ZNF79: variants seen among roughly 807,000 people sequenced by gnomAD.
The protein encoded by ZNF79 is zinc finger protein 79, also known as ZNFpT7.
ZNF79 carries 13 observed loss-of-function variants against 14.9 expected under a neutral mutation model. The ratio of observed to expected loss-of-function variants is 0.87; its 90% CI spans 0.57 to 1.38. ZNF79 has a LOEUF of 1.38. Among genes scored for constraint, ZNF79 ranks in the 40% most tolerant of loss-of-function variants. ZNF79 has a pLI of 0.00. For missense variants in ZNF79, 631 were observed against 630.6 expected (o/e 1.00, Z -0.01); for synonymous variants, 223 against 235.1 (o/e 0.95, Z 0.47).
chr9:127,436,426 A>G (rs1393986713), intron 4 of ZNF79, among the ~76,000 whole-genome samples: 1 of 152,174 alleles, frequency 6.6e-6, no homozygotes, highest in Non-Finnish European at 1.5e-5. Flanking sequence ...ACTGGGTGTC[A>G]CAGTTCCTGC....
chr9:127,437,345 C>G (rs992643746), intron 4 of ZNF79, among the ~76,000 whole-genome samples: 10 of 151,884 alleles, frequency 6.6e-5, no homozygotes, highest in East Asian at 1.9e-4. Context: ...AAGGCCCCCC[C>G]CCGCTGCCTG....
intron 4 of ZNF79, among the ~76,000 whole-genome samples, chr9:127,437,655 C>G (rs1833974225): frequency 6.6e-6 from 1 of 151,474 alleles, no homozygotes; most frequent in Admixed American, 6.6e-5. Context: ...TCTGCAGGCT[C>G]TGGGAAGGAT....
chr9:127,443,901 A>G, intron 4 of ZNF79, 128 bp from the exon 5 acceptor site: 1 of 122,162 alleles, frequency 8.2e-6, no homozygotes, highest in Non-Finnish European at 1.4e-5. Context: ...ACTCCGTCTC[A>G]AAAAAAAAAA....
chr9:127,444,726 C>G lies in ZNF79; in HGVS notation c.1026C>G (p.Phe342Leu). The change falls in exon 5 of 5, where the codon TTC becomes TTG. Residue 342 changes from phenylalanine to leucine, a missense_variant. Phe to Leu is a conservative substitution (Grantham distance 22). Coordinates refer to ENST00000342483, the MANE Select transcript of ZNF79 (RefSeq NM_007135.3). ...PYKCSECGKA[F>L]SYCAAFIQHQ... ...AGTGCAGCGAGTGTGGGAAGGCCTT[C>G]AGTTACTGCGCAGCGTTCATTCAGC... The G allele has an allele frequency of 1.2e-6, 2 of 1,613,948 alleles. No homozygotes were observed. The highest frequency in any genetic ancestry group is 1.7e-6 in the Non-Finnish European group (2 of 1,179,928).
intron 2 of ZNF79, among the ~76,000 whole-genome samples, chr9:127,430,288 C>T (rs12351247): frequency 0.01 from 1,581 of 151,984 alleles, 83 homozygotes; most frequent in Admixed American, 0.088. Context: ...ATTTTAGATT[C>T]GGGGGTATGT....
chr9:127,433,978 C>T (rs1418812987), intron 2 of ZNF79, among the ~76,000 whole-genome samples: 1 of 152,186 alleles, frequency 6.6e-6, no homozygotes, highest in African/African-American at 2.4e-5. Context: ...ACACAGTTGC[C>T]TTCCAGCGGC....
At position 127,444,777 on chromosome 9, in the gene ZNF79, G is replaced by A. The variant is rs1834129900; in HGVS notation, c.1077G>A (p.Lys359=). The A allele has an allele frequency of 3.1e-6, 5 of 1,608,864 alleles. No individual in the cohort carries two copies. The highest frequency in any genetic ancestry group is 4.3e-6 in the Non-Finnish European group (5 of 1,175,896). ...IQHQRIHTGE[K]PYRCAACGKA... The stretch of plus-strand genomic sequence containing the variant: ...ACCAGAGGATTCACACCGGGGAGAA[G>A]CCCTACAGATGTGCCGCGTGTGGGA... The change falls in exon 5 of 5, where the codon AAG becomes AAA. Residue 359 remains lysine (K), a synonymous_variant. Coordinates refer to ENST00000342483, the MANE Select transcript of ZNF79 (RefSeq NM_007135.3).
chr9:127,427,919 C>G (rs1477507750), intron 1 of ZNF79, among the ~76,000 whole-genome samples: 2 of 152,170 alleles, frequency 1.3e-5, no homozygotes, highest in African/African-American at 4.8e-5. Flanking sequence ...GGTGTCATAT[C>G]TAAGAAATCA....
intron 4 of ZNF79, among the ~76,000 whole-genome samples, chr9:127,438,804 C>T (rs1157839500): frequency 5.9e-5 from 9 of 152,222 alleles, no homozygotes; most frequent in East Asian, 3.9e-4. Flanking sequence ...AGTGCTCTTA[C>T]GTTTTAACAA....
Position 127,435,294 on chromosome 9 carries a change from G to A in ZNF79, c.232+78G>A, listed in dbSNP as rs1423716553. The A allele has an allele frequency of 2.0e-6, 3 of 1,463,918 alleles. No individual in the cohort carries two copies. In the African/African-American group the frequency reaches 4.3e-5, roughly 21 times the overall value. 90.7% of individuals were successfully genotyped at this position (1,463,918 alleles called of 1,614,324 possible). Reference sequence around the variant, plus strand: ...GGCACTTGCTTTCCAGCATGTAGGGGTTTCTGACTGGTGTGATGTACCAGA... The same window carrying A: ...GGCACTTGCTTTCCAGCATGTAGGGATTTCTGACTGGTGTGATGTACCAGA... On this transcript the variant is annotated intron_variant, in intron 3 of 4. Transcript: ENST00000342483.
intron 4 of ZNF79, 117 bp downstream of exon 4, chr9:127,436,120 T>C: frequency 1.2e-6 from 1 of 802,612 alleles, no homozygotes; most frequent in Non-Finnish European, 2.0e-6. Context: ...ACCCCCATTC[T>C]ACAGATGAGG....
At position 127,444,727 on chromosome 9, in the gene ZNF79, A is replaced by T. The variant is rs774091561; in HGVS notation, c.1027A>T (p.Ser343Cys). 2.3e-5 allele frequency: 37 copies of T among 1,612,772 alleles called. No homozygotes were observed. The highest frequency in any genetic ancestry group is 3.1e-5 in the Non-Finnish European group (37 of 1,179,528). The change falls in exon 5 of 5, where the codon AGT becomes TGT. Residue 343 changes from serine to cysteine, a missense_variant. Physicochemically the swap from Ser to Cys is moderately radical, Grantham distance 112. Coordinates refer to ENST00000342483, the MANE Select transcript of ZNF79 (RefSeq NM_007135.3). ...YKCSECGKAFSYCAAFIQHQR... is the reference protein window; with the variant it reads ...YKCSECGKAFCYCAAFIQHQR... Reference sequence around the variant, plus strand: ...GTGCAGCGAGTGTGGGAAGGCCTTCAGTTACTGCGCAGCGTTCATTCAGCA... The same window carrying T: ...GTGCAGCGAGTGTGGGAAGGCCTTCTGTTACTGCGCAGCGTTCATTCAGCA...
rs1424317222 is a variant in ZNF79 at position 127,445,001 on chromosome 9, G to T, written c.1301G>T (p.Arg434Leu). The T allele has an allele frequency of 2.5e-6, 4 of 1,614,082 alleles. No homozygotes were observed. The highest frequency in any genetic ancestry group is 1.6e-4 in the Middle Eastern group (1 of 6,062). Residue 434 changes from arginine (R) to leucine (L), a missense_variant, in exon 5 of 5, where the codon CGG becomes CTG. By Grantham distance (102) the Arg-to-Leu change is moderately radical (BLOSUM62 -2). Transcript: ENST00000342483. The stretch of plus-strand genomic sequence containing the variant: ...TTCAGTGAGAGCTCAGCCCTCATTC[G>T]GCATCATATAATCCACACCGGAGAA... The part of the protein sequence containing the change: ...KFFSESSALI[R>L]HHIIHTGEKP...
intron 4 of ZNF79, among the ~76,000 whole-genome samples, chr9:127,442,560 CAT>C (rs1419752542): frequency 6.6e-6 from 1 of 152,072 alleles, no homozygotes; most frequent in Non-Finnish European, 1.5e-5. Flanking sequence ...CATTGCTGTA[CAT>C]AGACTTTAGA....
At chr9:127,441,214 G>A (rs1175402566) in intron 4 of ZNF79, among the ~76,000 whole-genome samples, 1 of 152,014 alleles carries the variant, frequency 6.6e-6, no homozygotes, top group African/African-American at 2.4e-5. Context: ...GTGGACTGGG[G>A]GCATTGGTGT....
chr9:127,429,133 G>C (rs1044025103), intron 2 of ZNF79, among the ~76,000 whole-genome samples: 3 of 152,078 alleles, frequency 2.0e-5, no homozygotes, highest in African/African-American at 4.8e-5. Flanking sequence ...TCTTGCTTCA[G>C]CTCCCAGGTA....
At chr9:127,430,782 G>A (rs1042715872) in intron 2 of ZNF79, among the ~76,000 whole-genome samples, 1 of 152,174 alleles carries the variant, frequency 6.6e-6, no homozygotes, top group Non-Finnish European at 1.5e-5. Context: ...TTTCCTTTGA[G>A]TATTTACACA....
chr9:127,433,706 A>T (rs1833899336), intron 2 of ZNF79, among the ~76,000 whole-genome samples: 1 of 152,110 alleles, frequency 6.6e-6, no homozygotes, highest in Non-Finnish European at 1.5e-5. Flanking sequence ...TCCTATGGCC[A>T]CCTTAAACTC....
chr9:127,431,349 C>T (rs4395989), intron 2 of ZNF79, among the ~76,000 whole-genome samples: 1 of 151,616 alleles, frequency 6.6e-6, no homozygotes, highest in Non-Finnish European at 1.5e-5. Context: ...CTCCACCCCC[C>T]CAATGCTCAA....
Sources: gnomAD v4.1 joint callset for allele counts (sites outside exome capture counted in the v4.1 genomes callset) on GRCh38, gnomAD v4.1.1 for gene constraint, MANE v1.5 for transcripts, NCBI Gene and HGNC (gene_info 2026-07-23, HGNC 2026-07-21) for gene names.